RABGAP1L: variants seen among roughly 807,000 people sequenced by gnomAD.
The protein encoded by RABGAP1L is rab GTPase-activating protein 1-like.
A neutral mutation model predicts 137.7 loss-of-function variants in RABGAP1L; 63 were observed. The ratio of observed to expected loss-of-function variants is 0.46; its 90% CI spans 0.37 to 0.56. The LOEUF is 0.56. Among genes scored for constraint, RABGAP1L ranks in the 20% least tolerant of loss-of-function variants. The pLI is 0.00. For synonymous variants in RABGAP1L, 431 were observed against 433.7 expected, an observed-to-expected ratio of 0.99 and a Z score of 0.08; for missense variants, 1,095 against 1,244.0, an observed-to-expected ratio of 0.88 and a Z score of 1.80.
chr1:174,390,222 C>T (rs934488538), intron 12 of RABGAP1L, among the ~76,000 whole-genome samples: 1 of 151,970 alleles, frequency 6.6e-6, no homozygotes, highest in African/African-American at 2.4e-5. Context: ...TATGAGTGAC[C>T]CAGTTCTTTT....
At chr1:174,624,654 C>T (rs2148287277) in intron 13 of RABGAP1L, among the ~76,000 whole-genome samples, 1 of 152,046 alleles carries the variant, frequency 6.6e-6, no homozygotes, top group South Asian at 2.1e-4. Flanking sequence ...TCATTTTTGG[C>T]AATTCATTGA....
At chr1:174,839,632 G>A (rs529881585) in intron 19 of RABGAP1L, among the ~76,000 whole-genome samples, 128 of 152,316 alleles carry the variant, frequency 8.4e-4, no homozygotes, top group African/African-American at 2.9e-3. Context: ...AGGAGACTAC[G>A]TGGAAATGTG....
chr1:174,502,815 GAC>G (rs940456010), intron 13 of RABGAP1L, among the ~76,000 whole-genome samples: 75 of 151,874 alleles, frequency 4.9e-4, no homozygotes, highest in African/African-American at 1.7e-3. Context: ...ATGCAAAAAT[GAC>G]ACAGTTACTA....
chr1:174,304,804 A>C (rs1368386850), intron 10 of RABGAP1L, among the ~76,000 whole-genome samples, 182 bp from the exon 11 acceptor site: 4 of 152,228 alleles, frequency 2.6e-5, no homozygotes, highest in Non-Finnish European at 5.9e-5. Context: ...GAGGAACATA[A>C]ATTTAGAATA....
chr1:174,565,843 A>T (rs2148032530), intron 13 of RABGAP1L, among the ~76,000 whole-genome samples: 1 of 152,216 alleles, frequency 6.6e-6, no homozygotes, highest in African/African-American at 2.4e-5. Flanking sequence ...CAAAAAATAC[A>T]AAGATATCTC....
At chr1:174,366,559 C>T (rs1157651963) in intron 11 of RABGAP1L, among the ~76,000 whole-genome samples, 1 of 151,980 alleles carries the variant, frequency 6.6e-6, no homozygotes, top group African/African-American at 2.4e-5. Flanking sequence ...CACTTGAGGT[C>T]AGGAGTTTGA....
At chr1:174,167,099 T>C (rs543176804) in intron 1 of RABGAP1L, among the ~76,000 whole-genome samples, 31 of 152,334 alleles carry the variant, frequency 2.0e-4, no homozygotes, top group Non-Finnish European at 4.1e-4. Context: ...TTCCACAATA[T>C]AGCACACCCC....
At chr1:174,707,750 T>C (rs533515311) in intron 17 of RABGAP1L, among the ~76,000 whole-genome samples, 1 of 152,360 alleles carries the variant, frequency 6.6e-6, no homozygotes, top group East Asian at 1.9e-4. Flanking sequence ...TGCTTCTTAA[T>C]TTCTTCAATT....
chr1:174,319,182 A>G (rs1679707900), intron 11 of RABGAP1L, among the ~76,000 whole-genome samples: 2 of 152,036 alleles, frequency 1.3e-5, no homozygotes, highest in African/African-American at 4.8e-5. Context: ...ATTTCTTGTA[A>G]GACAGATCTG....
At position 174,195,695 on chromosome 1, in the gene RABGAP1L, TC is replaced by T. The variant is rs1347185295; in HGVS notation, c.-33-23428del. On this transcript the variant is annotated intron_variant, in intron 1 of 25. Coordinates refer to ENST00000681986, the MANE Select transcript of RABGAP1L (RefSeq NM_001366446.1). Reference sequence around the variant, plus strand: ...TTCCTTCTTTCCTTCTTTCCTTCTTTCCTTCTTTCCTTCTTTCTTTTCTTTC... The same window carrying T: ...TTCCTTCTTTCCTTCTTTCCTTCTTTCTTCTTTCCTTCTTTCTTTTCTTTC... Among the ~76,000 whole-genome samples, 783 of 112,930 alleles carry T rather than the reference TC, an allele frequency of 6.9e-3. 31 individuals are homozygous for T. The highest frequency in any genetic ancestry group is 0.029 in the African/African-American group (734 of 25,166). 74.1% of individuals were successfully genotyped at this position (112,930 alleles called of 152,430 possible). A position where few individuals can be genotyped will look rare whatever the true frequency, so the allele number is the denominator to read the frequency against.
At position 174,913,545 on chromosome 1, in the gene RABGAP1L, G is replaced by A. The variant is rs187019545; in HGVS notation, c.2341-43912G>A. On this transcript the variant is annotated intron_variant, in intron 19 of 25. Transcript: ENST00000681986. ...ATGTTTAGCAAAGCCTTATTTTGTGGAAATTTTCCAAGGCTTGACCCTGTA... is the reference window on the plus strand; with the variant it reads ...ATGTTTAGCAAAGCCTTATTTTGTGAAAATTTTCCAAGGCTTGACCCTGTA... 4.9e-3 allele frequency among the ~76,000 whole-genome samples: 741 copies of A among 152,286 alleles called. 3 individuals are homozygous for A. Among genetic ancestry groups the A allele is most frequent in the Non-Finnish European group, 7.5e-3 (513 of 68,022 alleles).
At chr1:174,375,126 A>C (rs962240327) in intron 12 of RABGAP1L, among the ~76,000 whole-genome samples, 1 of 152,050 alleles carries the variant, frequency 6.6e-6, no homozygotes, top group African/African-American at 2.4e-5. Flanking sequence ...TTTGATTTTA[A>C]ATTATTTATT....
chr1:174,464,554 T>C (rs1451340247), intron 13 of RABGAP1L, among the ~76,000 whole-genome samples: 1 of 152,216 alleles, frequency 6.6e-6, no homozygotes, highest in East Asian at 1.9e-4. Flanking sequence ...TGCTCATCTC[T>C]TTTTTTGTTG....
chr1:174,811,520 A>T (rs555500151), intron 18 of RABGAP1L, among the ~76,000 whole-genome samples: 1 of 152,196 alleles, frequency 6.6e-6, no homozygotes, highest in East Asian at 1.9e-4. Context: ...TTTTAGCCTT[A>T]TTCTTTTCTC....
At chr1:174,291,788 A>C (rs1198045777) in intron 10 of RABGAP1L, among the ~76,000 whole-genome samples, 1 of 151,754 alleles carries the variant, frequency 6.6e-6, no homozygotes, top group African/African-American at 2.4e-5. Flanking sequence ...ATCTTCCTTT[A>C]TTCCTGACAT....
chr1:174,967,167 C>CTT (rs538764662), intron 20 of RABGAP1L, among the ~76,000 whole-genome samples: 3 of 139,746 alleles, frequency 2.1e-5, no homozygotes, highest in South Asian at 2.2e-4. Flanking sequence ...TTCTTTCTTT[C>CTT]TTTTTTTTTT....
intron 13 of RABGAP1L, among the ~76,000 whole-genome samples, chr1:174,521,808 C>T (rs1458817380): frequency 5.3e-5 from 8 of 152,122 alleles, no homozygotes; most frequent in Non-Finnish European, 8.8e-5. Context: ...TGGCTGGGTG[C>T]GGTGGCTCAC....
chr1:174,621,055 G>A (rs12068187), intron 13 of RABGAP1L, among the ~76,000 whole-genome samples: 20,242 of 151,926 alleles, frequency 0.13, 4,517 homozygotes, highest in African/African-American at 0.46. Flanking sequence ...TAAATTCCTC[G>A]ACACATACAC....
chr1:174,616,857 C>T (rs1026466384), intron 13 of RABGAP1L, among the ~76,000 whole-genome samples: 1 of 152,162 alleles, frequency 6.6e-6, no homozygotes, highest in Non-Finnish European at 1.5e-5. Context: ...AAAATGCAGA[C>T]TGCCTGGAGG....
Sources: allele counts gnomAD v4.1 joint callset (sites outside exome capture counted in the v4.1 genomes callset), GRCh38; gene constraint gnomAD v4.1.1; transcripts MANE v1.5; gene names NCBI Gene and HGNC (gene_info 2026-07-23, HGNC 2026-07-21).